STS: variants seen among roughly 807,000 people sequenced by gnomAD.
The protein encoded by STS is steroid sulfatase.
Under a neutral mutation model 26.8 loss-of-function variants are expected in STS, and 7 were observed. That is an observed-to-expected ratio of 0.26 (90% CI 0.15 to 0.49). The LOEUF (loss-of-function observed/expected upper bound fraction) is 0.49, where lower values mean the gene tolerates loss of function less well. Among genes scored for constraint, STS ranks in the 20% least tolerant of loss-of-function variants. The pLI, the probability that STS is intolerant of heterozygous loss-of-function variation, is 0.98. For missense variants in STS, 434 were observed against 465.6 expected (o/e 0.93, Z 0.63); for synonymous variants, 199 against 189.4 (o/e 1.05, Z -0.42).
rs1366690228 is a variant in STS, at chrX:7,325,517, G to A, written c.1241+19G>A. The A allele has an allele frequency of 4.1e-6, 5 of 1,209,701 alleles. No homozygotes were observed. Among genetic ancestry groups the A allele is most frequent in the East Asian group, 3.0e-5 (1 of 33,826 alleles). ...AGGACAGGTACTCTGATGCCAGGGT[G>A]GTTGGTATTGTTGAGCTCTGATTTC... On this transcript the variant is annotated intron_variant, in intron 9 of 10. Transcript: ENST00000674429.
At chrX:7,206,028 C>A (rs760362628) in intron 2 of STS, among the ~76,000 whole-genome samples, 1 of 111,481 alleles carries the variant, frequency 9.0e-6, no homozygotes, top group African/African-American at 3.3e-5. Context: ...CACTGCACCC[C>A]CTATGCACTT....
chrX:7,294,042 A>G (rs955397349), intron 7 of STS, among the ~76,000 whole-genome samples: 1 of 111,647 alleles, frequency 9.0e-6, no homozygotes, highest in Non-Finnish European at 1.9e-5. Context: ...GAGCCAAAAA[A>G]AACTTTTAAC....
chrX:7,321,884 G>A (rs1927049132), intron 8 of STS, among the ~76,000 whole-genome samples: 1 of 111,734 alleles, frequency 8.9e-6, no homozygotes, highest in African/African-American at 3.3e-5. Context: ...TATTCCCCCA[G>A]CGATGGGTCA....
chrX:7,179,137 AC>A (rs1390541770), intron 1 of STS, among the ~76,000 whole-genome samples: 1 of 109,106 alleles, frequency 9.2e-6, no homozygotes, highest in Non-Finnish European at 1.9e-5. Flanking sequence ...GAAAGTGGTA[AC>A]TGGCTTTCTC....
rs370208577 is a variant in STS, at chrX:7,305,140, T to C, written c.1038T>C (p.Ser346=). ...SDQGAHVEEV[S]SKGEIHGGSN... ...AGGGAGCACATGTAGAAGAAGTGTCTTCCAAAGGAGAAATTCATGGCGGAA... is the reference window on the plus strand; with the variant it reads ...AGGGAGCACATGTAGAAGAAGTGTCCTCCAAAGGAGAAATTCATGGCGGAA... The change falls in exon 8 of 11, where the codon TCT becomes TCC. Residue 346 remains serine (S), a synonymous_variant. Coordinates refer to ENST00000674429, the MANE Select transcript of STS (RefSeq NM_001320752.2). 8.3e-7 allele frequency: 1 copy of C among 1,209,729 alleles called. No individual in the cohort carries two copies. Among genetic ancestry groups the C allele is most frequent in the African/African-American group, 1.7e-5 (1 of 57,242 alleles).
intron 9 of STS, among the ~76,000 whole-genome samples, chrX:7,327,776 G>A (rs925136294): frequency 5.4e-5 from 6 of 111,579 alleles, no homozygotes; most frequent in African/African-American, 2.0e-4. Flanking sequence ...TAATAACACT[G>A]ACTTTACAGG....
chrX:7,273,106 T>C (rs1924365469), intron 6 of STS, among the ~76,000 whole-genome samples: 1 of 111,717 alleles, frequency 9.0e-6, no homozygotes, highest in Admixed American at 9.5e-5. Context: ...GCTGAGATCA[T>C]GCCACTGCAC....
At chrX:7,269,358 ATC>A (rs1924162400) in intron 6 of STS, among the ~76,000 whole-genome samples, 1 of 103,388 alleles carries the variant, frequency 9.7e-6, no homozygotes, top group Non-Finnish European at 2.0e-5. Flanking sequence ...ACATTTCTGT[ATC>A]TCTGAATATC....
Position 7,237,349 on chromosome X carries a change from C to A in STS, c.-4-15847C>A, listed in dbSNP as rs769723542. ...GTTGTTAGTAGAGACAGGATTTCAC[C>A]ATGTTAACCAGGCTGGTCTCGAACT... On this transcript the variant is annotated intron_variant, in intron 2 of 10. Coordinates refer to ENST00000674429, the MANE Select transcript of STS (RefSeq NM_001320752.2). Among the ~76,000 whole-genome samples the A allele has an allele frequency of 5.4e-5, 6 of 110,893 alleles. No homozygotes were observed. In the East Asian group the frequency reaches 1.7e-3, roughly 32 times the overall value.
intron 2 of STS, among the ~76,000 whole-genome samples, chrX:7,213,907 T>C (rs1921131877): frequency 9.0e-6 from 1 of 110,567 alleles, no homozygotes; most frequent in African/African-American, 3.3e-5. Context: ...ACTAAGACCC[T>C]GTCTCTAGAA....
At position 7,190,943 on chromosome X, in the gene STS, G is replaced by C. The variant is rs1273210379; in HGVS notation, c.-70G>C. 1 of 749,841 alleles carries C rather than the reference G, an allele frequency of 1.3e-6. No homozygotes were observed. Among genetic ancestry groups the C allele is most frequent in the African/African-American group, 2.3e-5 (1 of 42,992 alleles). The allele number at this position is 749,841 out of a possible 1,213,427, so 61.8% of individuals were successfully genotyped here. ...CCCTCAGTTGCTGAACCTGCACACA[G>C]TCATCTCAGTAAGTTAAGATCTTCC... is the stretch of plus-strand genomic sequence containing the variant. On this transcript the variant is annotated 5_prime_UTR_variant, in exon 2 of 11. Transcript: ENST00000674429.
chrX:7,201,395 A>G (rs1172177763), intron 2 of STS, among the ~76,000 whole-genome samples: 2 of 111,984 alleles, frequency 1.8e-5, no homozygotes, highest in East Asian at 5.6e-4. Flanking sequence ...CTCTCAGCAT[A>G]AAAACCTAAA....
intron 7 of STS, among the ~76,000 whole-genome samples, chrX:7,289,209 C>G (rs1366969813): frequency 9.0e-6 from 1 of 111,353 alleles, no homozygotes; most frequent in Non-Finnish European, 1.9e-5. Context: ...GCCACCATTT[C>G]TGGGTGGGGT....
chrX:7,206,611 C>A (rs1920951585), intron 2 of STS, among the ~76,000 whole-genome samples: 1 of 112,032 alleles, frequency 8.9e-6, no homozygotes, highest in Non-Finnish European at 1.9e-5. Context: ...GATGTTATCT[C>A]ACTTATCAAT....
intron 2 of STS, among the ~76,000 whole-genome samples, chrX:7,236,816 A>G (rs1450613491): frequency 9.0e-6 from 1 of 111,562 alleles, no homozygotes; most frequent in African/African-American, 3.3e-5. Context: ...CACAACGCAT[A>G]AATACATAGA....
intron 1 of STS, among the ~76,000 whole-genome samples, chrX:7,148,695 C>G (rs7887393): frequency 1.8e-5 from 2 of 111,990 alleles, no homozygotes; most frequent in African/African-American, 3.3e-5. Flanking sequence ...CGGTCCTGGA[C>G]CGCGACTTGA....
intron 2 of STS, among the ~76,000 whole-genome samples, chrX:7,238,447 A>T (rs775452952): frequency 3.6e-5 from 4 of 110,487 alleles, no homozygotes; most frequent in Non-Finnish European, 5.7e-5. Context: ...CAGCAACAGG[A>T]TGGCAGCTAC....
chrX:7,268,577 A>G (rs773809745), intron 6 of STS, among the ~76,000 whole-genome samples: 1 of 112,724 alleles, frequency 8.9e-6, no homozygotes, highest in South Asian at 3.7e-4. Context: ...ACTAAGAGCA[A>G]TATACAGGGA....
At chrX:7,266,065 G>A (rs1451628414) in intron 6 of STS, among the ~76,000 whole-genome samples, 3 of 111,925 alleles carry the variant, frequency 2.7e-5, no homozygotes, top group South Asian at 3.7e-4. Context: ...TTCAGCAGCC[G>A]AAAAAGGAAT....
Sources: allele counts gnomAD v4.1 joint callset (sites outside exome capture counted in the v4.1 genomes callset), GRCh38; gene constraint gnomAD v4.1.1; transcripts MANE v1.5; gene names NCBI Gene and HGNC (gene_info 2026-07-23, HGNC 2026-07-21).